The following CACUL1 variants were observed in gnomAD, a reference collection of about 807,000 sequenced individuals.
CACUL1 encodes CDK2 associated cullin domain 1.
Under a neutral mutation model 45.2 loss-of-function variants are expected in CACUL1, and 13 were observed. The ratio of observed to expected loss-of-function variants is 0.29; its 90% confidence interval spans 0.19 to 0.46. CACUL1 has a LOEUF of 0.46. CACUL1 is among the 20% of genes least tolerant of loss of function. The pLI is 1.00. For synonymous variants in CACUL1, 197 were observed against 174.2 expected, an observed-to-expected ratio of 1.13 and a Z score of -1.03; for missense variants, 421 against 471.4, an observed-to-expected ratio of 0.89 and a Z score of 0.99.
In CACUL1 at chr10:118,747,978, G is replaced by A. The variant is rs368940036; in HGVS notation, c.367+6418C>T. ...TGTGTGCCTGTAATCCCAGCTGCTC[G>A]GGAGGCTGATGTGGGAGAATCACTT... is the stretch of plus-strand genomic sequence containing the variant. On this transcript the variant is annotated intron_variant, in intron 1 of 8. Transcript: ENST00000369151. Among the ~76,000 whole-genome samples the A allele has an allele frequency of 2.2e-4, 33 of 152,240 alleles. 1 individual carries two copies. Among genetic ancestry groups the A allele is most frequent in the East Asian group, 1.9e-3 (10 of 5,176 alleles).
At chr10:118,700,058 A>AC (rs1255018570) in intron 5 of CACUL1, among the ~76,000 whole-genome samples, 3 of 151,880 alleles carry the variant, frequency 2.0e-5, no homozygotes, top group Admixed American at 6.5e-5. Flanking sequence ...TGAAAAAAAA[A>AC]CCCTGCCTTT....
At chr10:118,738,511 A>C (rs1457696987) in intron 1 of CACUL1, among the ~76,000 whole-genome samples, 1 of 136,736 alleles carries the variant, frequency 7.3e-6, no homozygotes, top group Non-Finnish European at 1.5e-5. Flanking sequence ...ATTCTCTCAG[A>C]ATGGAAGATC....
At chr10:118,748,267 G>A (rs1301297567) in intron 1 of CACUL1, among the ~76,000 whole-genome samples, 1 of 152,132 alleles carries the variant, frequency 6.6e-6, no homozygotes, top group Non-Finnish European at 1.5e-5. Context: ...TTCTGTACCT[G>A]GTAACCTTGA....
At chr10:118,717,430 T>A (rs118060323) in intron 3 of CACUL1, among the ~76,000 whole-genome samples, 1 of 152,182 alleles carries the variant, frequency 6.6e-6, no homozygotes, top group Admixed American at 6.5e-5. Flanking sequence ...ATAACTCAAG[T>A]TCCCCCTCAG....
intron 1 of CACUL1, among the ~76,000 whole-genome samples, chr10:118,738,610 C>T (rs1845762159): frequency 6.6e-6 from 1 of 151,832 alleles, no homozygotes; most frequent in Non-Finnish European, 1.5e-5. Context: ...GCTCTGCATT[C>T]AATCAACCTA....
rs1038151055 is a variant in CACUL1, at chr10:118,680,257, T to A, written c.*5871A>T. The A allele has an allele frequency of 1.7e-4, 26 of 152,162 alleles. No individual in the cohort carries two copies. Among genetic ancestry groups the A allele is most frequent in the African/African-American group, 6.0e-4 (25 of 41,436 alleles). 9.4% of individuals were successfully genotyped at this position (152,162 alleles called of 1,614,324 possible). On this transcript the variant is annotated 3_prime_UTR_variant, in exon 9 of 9. Transcript: ENST00000369151. ...ATACACACACACACACAGAGCTGGT[T>A]CTAGTAGAAAAGGTTTGTACTTAGT...
intron 5 of CACUL1, among the ~76,000 whole-genome samples, chr10:118,699,554 T>G (rs764532867): frequency 1.3e-5 from 2 of 152,220 alleles, no homozygotes; most frequent in Non-Finnish European, 2.9e-5. Flanking sequence ...TTACCAAGAT[T>G]TCAAAATGCT....
chr10:118,722,768 A>T (rs1261597611), intron 3 of CACUL1, among the ~76,000 whole-genome samples: 3 of 152,168 alleles, frequency 2.0e-5, no homozygotes, highest in Non-Finnish European at 4.4e-5. Context: ...GGACATCAGG[A>T]CCAAACGGAG....
intron 3 of CACUL1, among the ~76,000 whole-genome samples, chr10:118,728,126 C>T (rs1256862833): frequency 1.3e-5 from 2 of 152,086 alleles, no homozygotes; most frequent in African/African-American, 4.8e-5. Flanking sequence ...CAAAATGCTA[C>T]TTAGTGCAAC....
rs1845264196 is a variant in CACUL1, at chr10:118,691,387, A to G, written c.903T>C (p.Ala301=). Residue 301 remains alanine (A), a synonymous_variant, in exon 7 of 9, where the codon GCT becomes GCC. Coordinates refer to ENST00000369151, the MANE Select transcript of CACUL1 (RefSeq NM_153810.5). The part of the protein sequence containing the change: ...YTLRPEWVQM[A]PTLFSKFIPN... ...GAATAAATTTAGAAAATAGAGTTGG[A>G]GCCATCTGAACCCACTCTGTGAGGA... is the stretch of plus-strand genomic sequence containing the variant. The G allele has an allele frequency of 1.2e-6, 2 of 1,612,630 alleles. No individual in the cohort carries two copies. The highest frequency in any genetic ancestry group is 1.3e-5 in the African/African-American group (1 of 74,900).
At chr10:118,694,892 A>G (rs1845307331) in intron 6 of CACUL1, 1 of 338,526 alleles carries the variant, frequency 3.0e-6, no homozygotes, top group Non-Finnish European at 5.7e-6. Context: ...TCCAAAGTGT[A>G]TCCTACAATT....
chr10:118,724,575 A>T (rs1845635024), intron 3 of CACUL1, among the ~76,000 whole-genome samples: 1 of 152,204 alleles, frequency 6.6e-6, no homozygotes, highest in Non-Finnish European at 1.5e-5. Context: ...AAGGAAAGCA[A>T]TAAATAGTAT....
chr10:118,690,492 G>A (rs931266092), intron 7 of CACUL1, among the ~76,000 whole-genome samples: 16 of 151,940 alleles, frequency 1.1e-4, no homozygotes, highest in African/African-American at 1.9e-4. Flanking sequence ...TTAATTAAGC[G>A]CAAAAACTTT....
At chr10:118,746,843 T>C (rs542296647) in intron 1 of CACUL1, among the ~76,000 whole-genome samples, 66 of 152,182 alleles carry the variant, frequency 4.3e-4, no homozygotes, top group African/African-American at 1.6e-3. Context: ...ACGGCACATG[T>C]AAAAGAGAAA....
At chr10:118,713,757 C>A (rs1444647056) in intron 3 of CACUL1, among the ~76,000 whole-genome samples, 1 of 152,120 alleles carries the variant, frequency 6.6e-6, no homozygotes, top group Admixed American at 6.5e-5. Context: ...ATTTATAGTT[C>A]TTTATACACA....
At chr10:118,697,769 A>G (rs556647782) in intron 5 of CACUL1, among the ~76,000 whole-genome samples, 70 of 152,332 alleles carry the variant, frequency 4.6e-4, no homozygotes, top group African/African-American at 1.7e-3. Flanking sequence ...TGCTGCTGCA[A>G]AAGTCAACAC....
chr10:118,691,106 A>G (rs1845261076), intron 7 of CACUL1, among the ~76,000 whole-genome samples, 159 bp downstream of exon 7: 1 of 152,202 alleles, frequency 6.6e-6, no homozygotes, highest in Admixed American at 6.5e-5. Context: ...ACCTAGCTTC[A>G]ACATTTCTAC....
intron 3 of CACUL1, among the ~76,000 whole-genome samples, chr10:118,724,326 C>T (rs1445527305): frequency 2.0e-5 from 3 of 152,176 alleles, no homozygotes; most frequent in South Asian, 2.1e-4. Context: ...GAGTTTCCTT[C>T]TTCTCTTAGA....
rs910145511 is a variant in CACUL1 at position 118,754,941 on chromosome 10, G to C, written c.-179C>G. 1.3e-6 allele frequency: 1 copy of C among 779,330 alleles called. No individual in the cohort carries two copies. The highest frequency in any genetic ancestry group is 2.4e-5 in the South Asian group (1 of 41,894). 48.3% of individuals were successfully genotyped at this position (779,330 alleles called of 1,614,324 possible). On this transcript the variant is annotated 5_prime_UTR_variant, in exon 1 of 9. Coordinates refer to ENST00000369151, the MANE Select transcript of CACUL1 (RefSeq NM_153810.5). ...GCGGGGCCGACTAGCTTGAAGACGC[G>C]GCTGACGGCGGTGGGCGCTCCGGGG...
Sources: gnomAD v4.1 joint callset for allele counts (sites outside exome capture counted in the v4.1 genomes callset) on GRCh38, gnomAD v4.1.1 for gene constraint, MANE v1.5 for transcripts, NCBI Gene and HGNC (gene_info 2026-07-23, HGNC 2026-07-21) for gene names.